The following ACYP2 variants were observed in gnomAD, a reference collection of about 807,000 sequenced individuals.
ACYP2 encodes the protein acylphosphatase 2, also known as acylphosphatase-2.
Under a neutral mutation model 11.2 loss-of-function variants are expected in ACYP2, and 12 were observed. The ratio of observed to expected loss-of-function variants is 1.08; its 90% CI spans 0.69 to 1.74. The LOEUF is 1.74. ACYP2 is among the 40% of genes most tolerant of loss of function. ACYP2 has a pLI of 0.00. For missense variants in ACYP2, 134 were observed against 101.9 expected (o/e 1.31, Z -1.35); for synonymous variants, 43 against 32.2 (o/e 1.33, Z -1.13).
At chr2:54,245,453 T>G (rs2103994855) in intron 6 of ACYP2, among the ~76,000 whole-genome samples, 1 of 152,296 alleles carries the variant, frequency 6.6e-6, no homozygotes, top group Middle Eastern at 3.4e-3. Context: ...TTGAGGAATA[T>G]TGTTCTCCAT....
At chr2:54,173,644 GT>G (rs1375046416) in intron 6 of ACYP2, among the ~76,000 whole-genome samples, 3 of 152,080 alleles carry the variant, frequency 2.0e-5, no homozygotes, top group Admixed American at 1.3e-4. Flanking sequence ...TATTGTCTAG[GT>G]TTTTTTCTAG....
chr2:54,263,350 C>T (rs1687862705), intron 6 of ACYP2, among the ~76,000 whole-genome samples: 1 of 152,132 alleles, frequency 6.6e-6, no homozygotes, highest in Admixed American at 6.5e-5. Context: ...GAGAAGCTGC[C>T]CCCATGATCC....
At chr2:54,110,245 C>T (rs574817893) in intron 4 of ACYP2, among the ~76,000 whole-genome samples, 37 of 122,218 alleles carry the variant, frequency 3.0e-4, no homozygotes, top group African/African-American at 1.2e-3. Context: ...TCTAAACTGT[C>T]CTACCTGCCA....
intron 2 of ACYP2, among the ~76,000 whole-genome samples, chr2:54,032,995 A>G (rs1421617): frequency 0.53 from 80,598 of 152,010 alleles, 21,601 homozygotes; most frequent in East Asian, 0.71. Context: ...CTTCTACAAA[A>G]ACTATTGACA....
At chr2:54,242,532 C>T (rs1027898811) in intron 6 of ACYP2, among the ~76,000 whole-genome samples, 6 of 152,178 alleles carry the variant, frequency 3.9e-5, no homozygotes. Context: ...TATATACAGT[C>T]ATATGCCACA....
At chr2:54,082,712 C>T (rs1176572875) in intron 4 of ACYP2, 2 of 152,114 alleles carry the variant, frequency 1.3e-5, no homozygotes, top group Non-Finnish European at 2.9e-5. Context: ...ACTGACAAAC[C>T]TACGGTATTT....
chr2:54,182,047 ATTTTTTTTTTTTT>A (rs35145998), intron 6 of ACYP2, among the ~76,000 whole-genome samples: 3 of 83,068 alleles, frequency 3.6e-5, no homozygotes, highest in Admixed American at 1.5e-4. Context: ...ATAGAAGATA[ATTTTTTTTTTTTT>A]TTTTTTTTTT....
intron 4 of ACYP2, among the ~76,000 whole-genome samples, chr2:54,094,875 TG>T (rs1386648750): frequency 6.6e-6 from 1 of 152,114 alleles, no homozygotes; most frequent in African/African-American, 2.4e-5. Context: ...TTTTTTAATC[TG>T]TTTTTTTTTA....
chr2:54,050,008 T>G (rs1039013851), intron 2 of ACYP2, among the ~76,000 whole-genome samples: 1 of 152,198 alleles, frequency 6.6e-6, no homozygotes, highest in African/African-American at 2.4e-5. Flanking sequence ...TTCTAGGCCT[T>G]CTCAGTGGAC....
intron 6 of ACYP2, among the ~76,000 whole-genome samples, chr2:54,237,949 C>T (rs917965963): frequency 1.3e-5 from 2 of 152,118 alleles, no homozygotes; most frequent in Admixed American, 1.3e-4. Flanking sequence ...TCTCGTTACT[C>T]GCTTGTCTCT....
At chr2:54,243,182 G>T (rs538714565) in intron 6 of ACYP2, among the ~76,000 whole-genome samples, 1 of 151,988 alleles carries the variant, frequency 6.6e-6, no homozygotes, top group East Asian at 1.9e-4. Flanking sequence ...ACAATAACGC[G>T]TTTAACACTG....
chr2:53,977,712 G>A, intron 2 of ACYP2, among the ~76,000 whole-genome samples: 1 of 149,546 alleles, frequency 6.7e-6, no homozygotes, highest in African/African-American at 2.5e-5. Flanking sequence ...TCCAGCCTGG[G>A]TGGCAGAGCA....
At position 54,112,388 on chromosome 2, in the gene ACYP2, C is replaced by A. The variant is rs148214950; in HGVS notation, c.278-23065C>A. Among the ~76,000 whole-genome samples the A allele has an allele frequency of 3.2e-3, 487 of 152,270 alleles. 5 individuals are homozygous for A. The highest frequency in any genetic ancestry group is 0.011 in the African/African-American group (454 of 41,554). ...TTGTTTGTATAAAAAGCCAAATAATCATATACAGTCTTGGTAGTAATATAT... is the reference window on the plus strand; with the variant it reads ...TTGTTTGTATAAAAAGCCAAATAATAATATACAGTCTTGGTAGTAATATAT... On this transcript the variant is annotated intron_variant, in intron 4 of 6. Coordinates refer to ENST00000607452, the MANE Select transcript of ACYP2 (RefSeq NM_001320586.2).
chr2:54,230,048 C>T (rs1205288949), intron 6 of ACYP2, among the ~76,000 whole-genome samples: 1 of 152,142 alleles, frequency 6.6e-6, no homozygotes, highest in Non-Finnish European at 1.5e-5. Context: ...ACTTTTCAGT[C>T]TGACTCTGGC....
At chr2:54,014,744 T>C (rs1418647501) in intron 2 of ACYP2, among the ~76,000 whole-genome samples, 5 of 152,078 alleles carry the variant, frequency 3.3e-5, no homozygotes, top group African/African-American at 1.2e-4. Flanking sequence ...TTTTTTTTCT[T>C]TTTTGTTTCT....
At chr2:54,283,694 T>C (rs1688945248) in intron 6 of ACYP2, among the ~76,000 whole-genome samples, 1 of 152,252 alleles carries the variant, frequency 6.6e-6, no homozygotes, top group Admixed American at 6.5e-5. Context: ...ATTTAACAAT[T>C]GGAACAACTC....
At chr2:54,074,618 G>A (rs919004393) in intron 4 of ACYP2, among the ~76,000 whole-genome samples, 6 of 141,854 alleles carry the variant, frequency 4.2e-5, no homozygotes, top group Non-Finnish European at 9.3e-5. Flanking sequence ...GTGTGTGTGT[G>A]TGTAACTGTA....
intron 4 of ACYP2, among the ~76,000 whole-genome samples, chr2:54,128,691 C>T (rs1043839626): frequency 2.6e-5 from 4 of 151,902 alleles, no homozygotes; most frequent in African/African-American, 4.8e-5. Context: ...TTTTATTCTC[C>T]GATGAAGGTT....
rs137860852 is a variant in ACYP2, at chr2:54,214,867, T to C, written c.404+76119T>C. Among the ~76,000 whole-genome samples, 1,184 of 152,352 alleles carry C rather than the reference T, an allele frequency of 7.8e-3. 15 individuals carry two copies. The highest frequency in any genetic ancestry group is 0.027 in the African/African-American group (1,139 of 41,576). ...GTATGGCCATCTTAACAATATTGAT[T>C]CTTCCTATCTGTGAGCATGGAATGT... On this transcript the variant is annotated intron_variant, in intron 6 of 6. Transcript: ENST00000607452.
Sources: gnomAD v4.1 joint callset for allele counts (sites outside exome capture counted in the v4.1 genomes callset) on GRCh38, gnomAD v4.1.1 for gene constraint, MANE v1.5 for transcripts, NCBI Gene and HGNC (gene_info 2026-07-23, HGNC 2026-07-21) for gene names.